PARP4: variants seen among roughly 807,000 people sequenced by gnomAD.
PARP4 encodes the protein poly(ADP-ribose) polymerase family member 4, also known as protein mono-ADP-ribosyltransferase PARP4.
PARP4 carries 120 observed loss-of-function variants against 187.7 expected under a neutral mutation model. The ratio of observed to expected loss-of-function variants is 0.64; its 90% CI spans 0.55 to 0.74. The LOEUF is 0.74. Ranked by LOEUF, PARP4 falls within the 30% of genes least tolerant of loss-of-function variation. PARP4 has a pLI of 0.00. For missense variants in PARP4, 1,836 were observed against 2,070.5 expected (o/e 0.89, Z 2.20); for synonymous variants, 654 against 740.9 (o/e 0.88, Z 1.90).
In PARP4 at chr13:24,451,227, A is replaced by G. The variant is rs1184459766; in HGVS notation, c.3014+1179T>C. ...CAGGGGGCAGGGAGGGGCTGCTGAG[A>G]CCAGGAGACGGTGCACAGGCTGCCC... On this transcript the variant is annotated intron_variant, in intron 24 of 33. Coordinates refer to ENST00000381989, the MANE Select transcript of PARP4 (RefSeq NM_006437.4). 3.3e-5 allele frequency among the ~76,000 whole-genome samples: 5 copies of G among 152,230 alleles called. No homozygotes were observed. In the East Asian group the frequency reaches 9.7e-4, roughly 30 times the overall value.
chr13:24,472,423 C>T (rs1222237368), intron 15 of PARP4, among the ~76,000 whole-genome samples: 4 of 152,146 alleles, frequency 2.6e-5, no homozygotes, highest in African/African-American at 9.7e-5. Context: ...CCAAACTGCT[C>T]TTCTCACCCA....
intron 17 of PARP4, among the ~76,000 whole-genome samples, chr13:24,461,919 A>G (rs538056438): frequency 1.1e-4 from 16 of 152,300 alleles, no homozygotes; most frequent in African/African-American, 3.6e-4. Context: ...GCAGGGGATG[A>G]CACCCTCCTA....
intron 25 of PARP4, among the ~76,000 whole-genome samples, chr13:24,449,219 T>C (rs1464151236): frequency 6.6e-6 from 1 of 151,870 alleles, no homozygotes; most frequent in Non-Finnish European, 1.5e-5. Context: ...AAACCCCATC[T>C]CTACTAAAAA....
intron 1 of PARP4, among the ~76,000 whole-genome samples, chr13:24,506,974 A>C (rs1869734540): frequency 6.6e-6 from 1 of 152,188 alleles, no homozygotes; most frequent in African/African-American, 2.4e-5. Context: ...CTAAGGCTCC[A>C]CGAGAAATCT....
chr13:24,448,578 A>G (rs1871333471), intron 25 of PARP4, among the ~76,000 whole-genome samples: 2 of 152,228 alleles, frequency 1.3e-5, no homozygotes, highest in Non-Finnish European at 2.9e-5. Context: ...TCCCAAAAAA[A>G]CTAAACATAA....
rs1236086829 is a variant in PARP4 at position 24,422,694 on chromosome 13, T to A, written c.4980-1380A>T. Among the ~76,000 whole-genome samples, 3 of 152,192 alleles carry A rather than the reference T, an allele frequency of 2.0e-5. No homozygotes were observed. The East Asian group carries it at 5.8e-4, about 29-fold the overall frequency. Reference sequence around the variant, plus strand: ...CACGATCTCGGTTCACTGCAACCTCTGACTCCTTGGTTCAAGTGATTCTCC... The same window carrying A: ...CACGATCTCGGTTCACTGCAACCTCAGACTCCTTGGTTCAAGTGATTCTCC... On this transcript the variant is annotated intron_variant, in intron 33 of 33. Coordinates refer to ENST00000381989, the MANE Select transcript of PARP4 (RefSeq NM_006437.4).
chr13:24,447,683 T>C (rs1311758689), intron 25 of PARP4, among the ~76,000 whole-genome samples: 4 of 152,242 alleles, frequency 2.6e-5, no homozygotes, highest in Non-Finnish European at 4.4e-5. Context: ...AATAGCATGA[T>C]CATATCCTTT....
chr13:24,436,181 G>A (rs1366777999), intron 30 of PARP4, among the ~76,000 whole-genome samples: 4 of 152,190 alleles, frequency 2.6e-5, no homozygotes, highest in African/African-American at 7.2e-5. Flanking sequence ...ATCACAGGGT[G>A]TACTTAGGCC....
chr13:24,455,506 T>TATATATATATATATATCACA (rs1555234626), intron 21 of PARP4, among the ~76,000 whole-genome samples: 2,025 of 134,816 alleles, frequency 0.015, 33 homozygotes, highest in Middle Eastern at 0.024. Context: ...TATATATATA[T>TATATATATATATATATCACA]CACACTATTC....
intron 32 of PARP4, among the ~76,000 whole-genome samples, chr13:24,427,504 G>C (rs1565984903): frequency 6.6e-6 from 1 of 150,668 alleles, no homozygotes; most frequent in African/African-American, 2.4e-5. Flanking sequence ...CCAAAGTGTT[G>C]AGATTATAGG....
intron 3 of PARP4, among the ~76,000 whole-genome samples, chr13:24,500,992 A>G (rs201892976): frequency 1.7e-4 from 21 of 126,886 alleles, no homozygotes; most frequent in Non-Finnish European, 3.3e-4. Context: ...CTACTATTTT[A>G]TTTCTGTTGT....
intron 33 of PARP4, among the ~76,000 whole-genome samples, chr13:24,425,464 T>C (rs1869981393): frequency 6.6e-6 from 1 of 152,128 alleles, no homozygotes; most frequent in Non-Finnish European, 1.5e-5. Flanking sequence ...TTTGATTAGT[T>C]TTCCCCTTAT....
At chr13:24,504,078 A>C (rs1342054878) in intron 1 of PARP4, among the ~76,000 whole-genome samples, 1 of 152,178 alleles carries the variant, frequency 6.6e-6, no homozygotes, top group Non-Finnish European at 1.5e-5. Flanking sequence ...CAAGTGTGTG[A>C]CTCCAGAACA....
chr13:24,496,892 G>A (rs531804417), intron 6 of PARP4, among the ~76,000 whole-genome samples: 1 of 152,112 alleles, frequency 6.6e-6, no homozygotes, highest in Non-Finnish European at 1.5e-5. Flanking sequence ...GCGTGGCAGC[G>A]CATGCCTGTA....
Position 24,455,026 on chromosome 13 carries a change from A to G in PARP4, c.2749T>C (p.Phe917Leu), listed in dbSNP as rs769814864. The G allele has an allele frequency of 6.2e-7, 1 of 1,601,538 alleles. No individual in the cohort carries two copies. Residue 917 changes from phenylalanine (F) to leucine (L), a missense_variant, in exon 22 of 34, where the codon TTC (phenylalanine) becomes CTC (leucine). Transcript: ENST00000381989. ...GEKQKVNIIQ[F>L]GTGYKELFSY... ...GCCAAAGCGCACTCACCTGTGCCGA[A>G]CTGGATAATATTTACTTTCTGCTTC...
chr13:24,447,293 C>CTT (rs34363074), intron 25 of PARP4, 107 bp from the exon 26 acceptor site: 639,159 of 694,966 alleles, frequency 0.92, 296,375 homozygotes, highest in East Asian at 0.97. Context: ...TTTTATAACT[C>CTT]TGGTATTTTC....
At chr13:24,497,459 T>C (rs928018295) in intron 6 of PARP4, among the ~76,000 whole-genome samples, 24 of 152,152 alleles carry the variant, frequency 1.6e-4, no homozygotes. Flanking sequence ...GGTGTAAATA[T>C]TAGGAAAATA....
At chr13:24,425,666 G>A (rs1448020756) in intron 33 of PARP4, among the ~76,000 whole-genome samples, 2 of 151,802 alleles carry the variant, frequency 1.3e-5, no homozygotes, top group African/African-American at 4.8e-5. Context: ...TGGGGGGTCT[G>A]TAGGGACAAG....
chr13:24,435,916 C>CAAA (rs56254149), intron 30 of PARP4, among the ~76,000 whole-genome samples: 19 of 87,782 alleles, frequency 2.2e-4, no homozygotes, highest in Non-Finnish European at 2.8e-4. Flanking sequence ...TATTCTGTCT[C>CAAA]AAAAAAAAAA....
Sources: allele counts gnomAD v4.1 joint callset (sites outside exome capture counted in the v4.1 genomes callset), GRCh38; gene constraint gnomAD v4.1.1; transcripts MANE v1.5; gene names NCBI Gene and HGNC (gene_info 2026-07-23, HGNC 2026-07-21).